The following ANLN variants were observed in gnomAD, a reference collection of about 807,000 sequenced individuals.
ANLN encodes the protein anillin, actin binding protein, also known as anillin.
A neutral mutation model predicts 135.1 loss-of-function variants in ANLN; 59 were observed. That is an observed-to-expected ratio of 0.44 (90% CI 0.35 to 0.54). ANLN has a LOEUF of 0.54. Ranked by LOEUF, ANLN falls within the 20% of genes least tolerant of loss-of-function variation. The pLI, the probability that ANLN is intolerant of heterozygous loss-of-function variation, is 0.00. For missense variants in ANLN, 1,182 were observed against 1,340.0 expected, an observed-to-expected ratio of 0.88 and a Z score of 1.84; for synonymous variants, 406 against 456.4, an observed-to-expected ratio of 0.89 and a Z score of 1.41.
At chr7:36,406,679 T>C (rs185693668) in intron 4 of ANLN, 113 bp downstream of exon 4, 20 of 1,005,560 alleles carry the variant, frequency 2.0e-5, no homozygotes, top group Non-Finnish European at 2.7e-5. Context: ...TTATAATAGA[T>C]GCATAGTGAG....
chr7:36,443,608 G>A, intron 21 of ANLN, 147 bp from the exon 22 acceptor site: 2 of 577,874 alleles, frequency 3.5e-6, no homozygotes, highest in East Asian at 5.9e-5. Flanking sequence ...TTATTATTAA[G>A]ATAAAAGACA....
At chr7:36,410,949 TTTAAACTTTTTAAACAGTTTAAAACTGC>T in intron 6 of ANLN, 82 bp from the exon 7 acceptor site, 1 of 1,068,308 alleles carries the variant, frequency 9.4e-7, no homozygotes, top group Non-Finnish European at 1.3e-6. Context: ...CTGAAAACTG[TTTAAACTTTTTAAACAGTTTAAAACTGC>T]AAACAAGGAA....
chr7:36,452,727 G>T lies in ANLN; in HGVS notation c.*127G>T. 1.0e-6 allele frequency: 1 copy of T among 995,338 alleles called. No homozygotes were observed. Among genetic ancestry groups the T allele is most frequent in the East Asian group, 2.4e-5 (1 of 41,056 alleles). The allele number at this position is 995,338 out of a possible 1,614,324, so 61.7% of individuals were successfully genotyped here. A position where few individuals can be genotyped will look rare whatever the true frequency, so the allele number is the denominator to read the frequency against. ...AAGGGTTTGTGCCAATATTCACTAC[G>T]TATTATGCAGTATTTATATCTTTTG... On this transcript the variant is annotated 3_prime_UTR_variant, in exon 24 of 24. Transcript: ENST00000265748.
chr7:36,416,646 G>T (rs1014674538), intron 8 of ANLN, among the ~76,000 whole-genome samples: 1 of 151,702 alleles, frequency 6.6e-6, no homozygotes, highest in Non-Finnish European at 1.5e-5. Flanking sequence ...GCAGAGTAGT[G>T]GTATGTATGG....
chr7:36,424,001 C>A (rs369789885), intron 15 of ANLN, 58 bp downstream of exon 15: 3 of 1,510,704 alleles, frequency 2.0e-6, no homozygotes, highest in East Asian at 4.8e-5. Context: ...AGAGTTGATA[C>A]AGTCTAAAGC....
intron 22 of ANLN, among the ~76,000 whole-genome samples, chr7:36,445,817 C>T (rs182321406): frequency 6.6e-6 from 1 of 152,302 alleles, no homozygotes; most frequent in Non-Finnish European, 1.5e-5. Context: ...AGTGGTTGTA[C>T]GATTTTCCAT....
intron 5 of ANLN, among the ~76,000 whole-genome samples, chr7:36,408,280 G>A (rs1257714673): frequency 6.6e-6 from 1 of 152,090 alleles, no homozygotes; most frequent in Non-Finnish European, 1.5e-5. Context: ...GGGGCATAAT[G>A]GAGAAACATT....
intron 9 of ANLN, 64 bp from the exon 10 acceptor site, chr7:36,419,179 CT>C: frequency 8.5e-7 from 1 of 1,170,768 alleles, no homozygotes; most frequent in Non-Finnish European, 1.2e-6. Flanking sequence ...ATTAAATTTT[CT>C]TTGTTATGCC....
At position 36,419,456 on chromosome 7, in the gene ANLN, A is replaced by G; in HGVS notation, c.1846A>G (p.Thr616Ala). ...SMSLLAPLAQ[T>A]VGVVSPESLV... ...GTCTTTACTTGCACCATTGGCACAA[A>G]CAGTTGGTGTGGTAAGTCCAGAGGT... The change falls in exon 10 of 24, where the codon ACA (threonine) becomes GCA (alanine). Residue 616 changes from threonine (T) to alanine (A), a missense_variant. Physicochemically the swap from Thr to Ala is moderately conservative, Grantham distance 58. Around this residue, in one of 3 missense-constraint regions of ANLN, gnomAD observed 1,022 missense variants for 1,134.0 expected, o/e 0.90. Transcript: ENST00000265748. 1 of 1,613,764 alleles carries G rather than the reference A, an allele frequency of 6.2e-7. No homozygotes were observed. The highest frequency in any genetic ancestry group is 1.1e-5 in the South Asian group (1 of 91,082).
Position 36,426,962 on chromosome 7 carries a change from C to A in ANLN, c.2817C>A (p.Phe939Leu). 1 of 1,613,404 alleles carries A rather than the reference C, an allele frequency of 6.2e-7. No homozygotes were observed. Residue 939 changes from phenylalanine to leucine, a missense_variant, in exon 20 of 24, where the codon TTC becomes TTA. By Grantham distance (22) the Phe-to-Leu change is conservative. Transcript: ENST00000265748. ...TTAGTGCTGTGCGAACCAGCAACTT[C>A]GCCCTTGTTGGATCTTACACATTAT... Reference protein sequence around the residue: ...GGLSAVRTSNFALVGSYTLSL... With the variant: ...GGLSAVRTSNLALVGSYTLSL...
chr7:36,412,327 A>ATATT (rs1491401014), intron 7 of ANLN, among the ~76,000 whole-genome samples: 8 of 94,806 alleles, frequency 8.4e-5, no homozygotes, highest in African/African-American at 2.7e-4. Flanking sequence ...ATATATATAT[A>ATATT]TTTTTTTTTT....
Position 36,410,635 on chromosome 7 carries a change from C to T in ANLN, c.1218C>T (p.Ala406=), listed in dbSNP as rs1787373239. Reference sequence around the variant, plus strand: ...CCATTATTACTCCAAATACAAAGGCCATCCAAGAAAGATTATTCAAGCAAG... The same window carrying T: ...CCATTATTACTCCAAATACAAAGGCTATCCAAGAAAGATTATTCAAGCAAG... ...RTPIITPNTK[A]IQERLFKQDT... is the part of the protein sequence containing the mutation. The change falls in exon 6 of 24, where the codon GCC becomes GCT. Residue 406 remains alanine (A), a synonymous_variant. Transcript: ENST00000265748. The T allele has an allele frequency of 6.2e-7, 1 of 1,613,970 alleles. No individual in the cohort carries two copies. The highest frequency in any genetic ancestry group is 1.1e-5 in the South Asian group (1 of 91,082).
chr7:36,436,425 C>T (rs1288868708), intron 20 of ANLN, among the ~76,000 whole-genome samples: 2 of 152,158 alleles, frequency 1.3e-5, no homozygotes, highest in African/African-American at 4.8e-5. Context: ...CTGCTTTGAA[C>T]ATGTGTGTGC....
intron 2 of ANLN, among the ~76,000 whole-genome samples, chr7:36,396,759 G>T (rs1247376215): frequency 6.6e-6 from 1 of 152,134 alleles, no homozygotes; most frequent in Non-Finnish European, 1.5e-5. Flanking sequence ...TATCCCAGGG[G>T]TGGCAGAACA....
Position 36,410,657 on chromosome 7 carries a change from C to A in ANLN, c.1240C>A (p.Gln414Lys), listed in dbSNP as rs1263272439. ...TKAIQERLFK[Q>K]DTSSSTTHLA... is the part of the protein sequence containing the mutation. Reference sequence around the variant, plus strand: ...GGCCATCCAAGAAAGATTATTCAAGCAAGACACATCTTCATCTACTACCCA... The same window carrying A: ...GGCCATCCAAGAAAGATTATTCAAGAAAGACACATCTTCATCTACTACCCA... The change falls in exon 6 of 24, where the codon CAA becomes AAA. Residue 414 changes from glutamine (Q) to lysine (K), a missense_variant. Coordinates refer to ENST00000265748, the MANE Select transcript of ANLN (RefSeq NM_018685.5). The A allele has an allele frequency of 6.2e-7, 1 of 1,614,078 alleles. No individual in the cohort carries two copies. Among genetic ancestry groups the A allele is most frequent in the Non-Finnish European group, 8.5e-7 (1 of 1,179,980 alleles).
intron 3 of ANLN, chr7:36,403,649 G>A (rs895219657): frequency 1.3e-5 from 2 of 151,984 alleles, no homozygotes; most frequent in Non-Finnish European, 2.9e-5. Context: ...ATCAATGAGG[G>A]GATGTTTATT....
intron 21 of ANLN, among the ~76,000 whole-genome samples, chr7:36,442,883 G>C (rs1462564033): frequency 6.6e-6 from 1 of 151,844 alleles, no homozygotes; most frequent in African/African-American, 2.4e-5. Context: ...GCCCGCCTCG[G>C]CCTCCCAAAG....
At chr7:36,402,479 C>T (rs1786994541) in intron 3 of ANLN, among the ~76,000 whole-genome samples, 1 of 152,094 alleles carries the variant, frequency 6.6e-6, no homozygotes, top group Non-Finnish European at 1.5e-5. Context: ...CCTGTCCAGT[C>T]CCTCCTCAAT....
chr7:36,452,474 T>C lies in ANLN; in HGVS notation c.3252-3T>C. 2 of 1,613,916 alleles carry C rather than the reference T, an allele frequency of 1.2e-6. No individual in the cohort carries two copies. Among genetic ancestry groups the C allele is most frequent in the South Asian group, 2.2e-5 (2 of 91,078 alleles). ...TGACCTCTTTGGTTGTTTGTTCCTG[T>C]AGGAACTGGCTGTCTGCAGATACTA... is the stretch of plus-strand genomic sequence containing the variant. On this transcript the variant is annotated splice_polypyrimidine_tract_variant and splice_region_variant and intron_variant, in intron 23 of 23. Transcript: ENST00000265748.
Sources: allele counts gnomAD v4.1 joint callset (sites outside exome capture counted in the v4.1 genomes callset), GRCh38; gene constraint gnomAD v4.1.1; regional missense constraint gnomAD v4.1.1; transcripts MANE v1.5; gene names NCBI Gene and HGNC (gene_info 2026-07-23, HGNC 2026-07-21).